The following ADAMTS12 variants were observed in gnomAD, a reference collection of about 807,000 sequenced individuals.
The protein encoded by ADAMTS12 is A disintegrin and metalloproteinase with thrombospondin motifs 12.
Under a neutral mutation model 167.8 loss-of-function variants are expected in ADAMTS12, and 118 were observed. The observed-to-expected ratio is 0.70, with a 90% CI of 0.61 to 0.82. The LOEUF (loss-of-function observed/expected upper bound fraction) is 0.82, where lower values mean the gene tolerates loss of function less well. ADAMTS12 is among the 40% of genes least tolerant of loss of function. The pLI, the probability that ADAMTS12 is intolerant of heterozygous loss-of-function variation, is 0.00. For synonymous variants in ADAMTS12, 704 were observed against 716.9 expected (o/e 0.98, Z 0.29); for missense variants, 1,916 against 1,998.8 (o/e 0.96, Z 0.79).
intron 19 of ADAMTS12, among the ~76,000 whole-genome samples, chr5:33,567,869 A>G (rs1461136607): frequency 2.0e-5 from 3 of 152,144 alleles, no homozygotes; most frequent in African/African-American, 7.2e-5. Context: ...AGAGGATGGT[A>G]ATATTTTCTG....
rs200132406 is a variant in ADAMTS12, at chr5:33,576,944, T to G, written c.3082A>C (p.Arg1028=). The G allele has an allele frequency of 1.4e-5, 23 of 1,614,224 alleles. No homozygotes were observed. The highest frequency in any genetic ancestry group is 1.9e-5 in the Non-Finnish European group (23 of 1,180,038). ...GTGGGTGTGGTCAGCATTCTGGGCCTGGATGTAGGTGGAGGGACGGGCTTT... is the reference window on the plus strand; with the variant it reads ...GTGGGTGTGGTCAGCATTCTGGGCCGGGATGTAGGTGGAGGGACGGGCTTT... The part of the protein sequence containing the change: ...TLKPVPPPTS[R]PRMLTTPTGP... The change falls in exon 19 of 24, where the codon AGG becomes CGG. Residue 1028 remains arginine (R), a synonymous_variant. Transcript: ENST00000504830.
chr5:33,636,463 C>T (rs1561185982), intron 12 of ADAMTS12, among the ~76,000 whole-genome samples: 1 of 152,130 alleles, frequency 6.6e-6, no homozygotes, highest in African/African-American at 2.4e-5. Context: ...ATGGTTTTCC[C>T]CTCTAGATCA....
intron 2 of ADAMTS12, among the ~76,000 whole-genome samples, chr5:33,799,914 G>A (rs1464486405): frequency 6.6e-6 from 1 of 152,166 alleles, no homozygotes; most frequent in African/African-American, 2.4e-5. Context: ...GTTATTAAAT[G>A]AAGGAGCAAC....
At chr5:33,816,685 C>T (rs1013380228) in intron 2 of ADAMTS12, among the ~76,000 whole-genome samples, 3 of 152,056 alleles carry the variant, frequency 2.0e-5, no homozygotes, top group African/African-American at 7.2e-5. Flanking sequence ...GGGAGAAAGC[C>T]AATGAGAATG....
chr5:33,754,809 T>C (rs939952109), intron 2 of ADAMTS12, among the ~76,000 whole-genome samples: 2 of 152,096 alleles, frequency 1.3e-5, no homozygotes, highest in African/African-American at 4.8e-5. Context: ...TGAGCCGAGA[T>C]TGCGCCATTG....
At chr5:33,742,658 G>C (rs1744635890) in intron 3 of ADAMTS12, among the ~76,000 whole-genome samples, 1 of 152,122 alleles carries the variant, frequency 6.6e-6, no homozygotes, top group South Asian at 2.1e-4. Flanking sequence ...TCGGACACTA[G>C]GCTTGATACT....
intron 3 of ADAMTS12, among the ~76,000 whole-genome samples, chr5:33,732,499 A>C (rs1301827303): frequency 1.3e-5 from 2 of 152,230 alleles, no homozygotes; most frequent in African/African-American, 2.4e-5. Context: ...AAGAACATGG[A>C]GAGATGATTC....
chr5:33,594,139 CG>C (rs1291960260), intron 17 of ADAMTS12, among the ~76,000 whole-genome samples: 1 of 152,172 alleles, frequency 6.6e-6, no homozygotes, highest in Non-Finnish European at 1.5e-5. Context: ...AATTGAATCA[CG>C]GGGGCGGATT....
intron 2 of ADAMTS12, among the ~76,000 whole-genome samples, chr5:33,811,376 G>A (rs1020779084): frequency 1.3e-5 from 2 of 152,186 alleles, no homozygotes; most frequent in African/African-American, 4.8e-5. Flanking sequence ...GCATGGCAAG[G>A]GAGTGCAGGG....
chr5:33,678,994 A>G (rs1478408498), intron 5 of ADAMTS12, among the ~76,000 whole-genome samples: 2 of 152,214 alleles, frequency 1.3e-5, no homozygotes, highest in Non-Finnish European at 2.9e-5. Context: ...TCATCAGTGC[A>G]TCGAGATTTC....
chr5:33,875,464 A>G (rs186379220), intron 2 of ADAMTS12, among the ~76,000 whole-genome samples: 2 of 152,350 alleles, frequency 1.3e-5, no homozygotes, highest in Admixed American at 1.3e-4. Context: ...CTTTCCTCTC[A>G]GTTTTGGTAT....
chr5:33,784,607 A>T (rs1181675315), intron 2 of ADAMTS12, among the ~76,000 whole-genome samples: 1 of 151,966 alleles, frequency 6.6e-6, no homozygotes, highest in Non-Finnish European at 1.5e-5. Flanking sequence ...AATCAGAAAG[A>T]ACAAAATAAT....
chr5:33,683,955 C>A lies in ADAMTS12; in HGVS notation c.735G>T (p.Glu245Asp), dbSNP rs200854110. Residue 245 changes from glutamate to aspartate, a missense_variant, in exon 4 of 24, where the codon GAG becomes GAT. Coordinates refer to ENST00000504830, the MANE Select transcript of ADAMTS12 (RefSeq NM_030955.4). ...RSLSRRSISK[E>D]RWVETLVVAD... is the part of the protein sequence containing the mutation. ...CCACCACCAGTGTCTCCACCCATCT[C>A]TCCTTGCTGATGGAACGCCGAGAGA... 6.0e-5 allele frequency: 97 copies of A among 1,612,820 alleles called. 1 individual carries two copies. In the Middle Eastern group the frequency reaches 6.1e-3, roughly 101 times the overall value.
intron 18 of ADAMTS12, among the ~76,000 whole-genome samples, chr5:33,579,655 T>A (rs1299363630): frequency 6.6e-6 from 1 of 152,220 alleles, no homozygotes; most frequent in Non-Finnish European, 1.5e-5. Flanking sequence ...AATTCCCTGA[T>A]GTATCATATT....
chr5:33,642,802 T>A (rs1159321673), intron 10 of ADAMTS12, among the ~76,000 whole-genome samples: 3 of 151,910 alleles, frequency 2.0e-5, no homozygotes, highest in Non-Finnish European at 4.4e-5. Flanking sequence ...CAGTGAGGGG[T>A]CCTGCCACAC....
chr5:33,801,689 G>C (rs1304695613), intron 2 of ADAMTS12, among the ~76,000 whole-genome samples: 1 of 152,174 alleles, frequency 6.6e-6, no homozygotes, highest in Non-Finnish European at 1.5e-5. Context: ...GGTGCTGAAG[G>C]TACAAAGGTG....
At chr5:33,747,120 CG>C (rs1289936658) in intron 3 of ADAMTS12, among the ~76,000 whole-genome samples, 1 of 151,906 alleles carries the variant, frequency 6.6e-6, no homozygotes, top group East Asian at 1.9e-4. Context: ...ATTTTTGCTC[CG>C]GGGAAAAAAG....
At chr5:33,779,737 A>G (rs929049142) in intron 2 of ADAMTS12, among the ~76,000 whole-genome samples, 2 of 152,210 alleles carry the variant, frequency 1.3e-5, no homozygotes, top group Non-Finnish European at 2.9e-5. Context: ...TAAATACTAC[A>G]TGATCTCACT....
intron 7 of ADAMTS12, among the ~76,000 whole-genome samples, chr5:33,657,913 T>C (rs1741117184): frequency 6.6e-6 from 1 of 152,178 alleles, no homozygotes; most frequent in Non-Finnish European, 1.5e-5. Context: ...CTGCCCTTCC[T>C]CCATTCTAAT....
Sources: gnomAD v4.1 joint callset for allele counts (sites outside exome capture counted in the v4.1 genomes callset) on GRCh38, gnomAD v4.1.1 for gene constraint, MANE v1.5 for transcripts, NCBI Gene and HGNC (gene_info 2026-07-23, HGNC 2026-07-21) for gene names.